DPYD: variants seen among roughly 807,000 people sequenced by gnomAD.
DPYD encodes dihydropyrimidine dehydrogenase [NADP(+)].
DPYD carries 109 observed loss-of-function variants against 116.2 expected under a neutral mutation model. The ratio of observed to expected loss-of-function variants is 0.94; its 90% CI spans 0.80 to 1.10. The LOEUF (loss-of-function observed/expected upper bound fraction) is 1.10. DPYD is among the 50% of genes least tolerant of loss of function. The probability of loss-of-function intolerance (pLI) is 0.00; values close to 1 mark genes in which losing one functional copy is unlikely to be tolerated. For missense variants in DPYD, 1,302 were observed against 1,254.5 expected, an observed-to-expected ratio of 1.04 and a Z score of -0.57; for synonymous variants, 440 against 432.0, an observed-to-expected ratio of 1.02 and a Z score of -0.23.
chr1:97,765,137 T>C (rs1328485542), intron 3 of DPYD, among the ~76,000 whole-genome samples: 1 of 152,184 alleles, frequency 6.6e-6, no homozygotes, highest in Non-Finnish European at 1.5e-5. Context: ...TTGACCTTTT[T>C]CAGTCACAGA....
At chr1:97,666,833 C>T (rs752400686) in intron 8 of DPYD, among the ~76,000 whole-genome samples, 69 of 152,234 alleles carry the variant, frequency 4.5e-4, no homozygotes, top group Admixed American at 7.8e-4. Context: ...CAAACAGATG[C>T]ATGCATGCAA....
rs1195766910 is a variant in DPYD, at chr1:97,869,870, G to T, written c.150+13394C>A. 2.0e-5 allele frequency among the ~76,000 whole-genome samples: 3 copies of T among 151,682 alleles called. No individual in the cohort carries two copies. The East Asian group carries it at 5.8e-4, about 29-fold the overall frequency. ...CTGTCTTCATTTCTTTCATGTGAAG[G>T]TCTTGTGCACATATAAATTAAAATA... is the stretch of plus-strand genomic sequence containing the variant. On this transcript the variant is annotated intron_variant, in intron 2 of 22. Transcript: ENST00000370192.
intron 20 of DPYD, among the ~76,000 whole-genome samples, chr1:97,116,511 A>C (rs1651976553): frequency 6.6e-6 from 1 of 151,806 alleles, no homozygotes; most frequent in African/African-American, 2.4e-5. Context: ...GTCTCTACAA[A>C]AAATACAAAA....
At chr1:97,525,789 A>AGAGAGAGT (rs1431555133) in intron 12 of DPYD, among the ~76,000 whole-genome samples, 34 of 142,702 alleles carry the variant, frequency 2.4e-4, no homozygotes, top group African/African-American at 5.6e-4. Context: ...AGAGAGAGAG[A>AGAGAGAGT]GTGTGTGTGT....
chr1:97,440,515 T>C (rs1264426494), intron 14 of DPYD, among the ~76,000 whole-genome samples: 1 of 152,112 alleles, frequency 6.6e-6, no homozygotes, highest in Non-Finnish European at 1.5e-5. Flanking sequence ...GGCTTTATTT[T>C]AGTGATTGTT....
chr1:97,345,936 T>C (rs1344144651), intron 16 of DPYD, among the ~76,000 whole-genome samples: 1 of 151,886 alleles, frequency 6.6e-6, no homozygotes, highest in African/African-American at 2.4e-5. Flanking sequence ...GCAAGAACTG[T>C]AAAAATAGGT....
At chr1:97,898,966 T>G (rs1673220198) in intron 1 of DPYD, among the ~76,000 whole-genome samples, 1 of 151,910 alleles carries the variant, frequency 6.6e-6, no homozygotes. Flanking sequence ...TTCAGGTATG[T>G]CTTAATCAGC....
intron 13 of DPYD, among the ~76,000 whole-genome samples, chr1:97,472,731 C>A (rs971622147): frequency 6.6e-6 from 1 of 152,098 alleles, no homozygotes; most frequent in East Asian, 1.9e-4. Context: ...AAACCATAAC[C>A]TTTTCTCAAA....
chr1:97,878,834 A>G (rs1314965895), intron 2 of DPYD, among the ~76,000 whole-genome samples: 1 of 151,990 alleles, frequency 6.6e-6, no homozygotes, highest in East Asian at 1.9e-4. Flanking sequence ...TCTTCAAAAC[A>G]ATGTGAGAAC....
Position 97,825,659 on chromosome 1 carries a change from T to G in DPYD, c.233+2455A>C, listed in dbSNP as rs989619785. Among the ~76,000 whole-genome samples the G allele has an allele frequency of 2.0e-5, 3 of 148,094 alleles. 1 individual carries two copies. ...GGGGGGGAGGGATAGCATTAGGAGA[T>G]ATACCTAATGTGAATGACGAGTTAA... is the stretch of plus-strand genomic sequence containing the variant. On this transcript the variant is annotated intron_variant, in intron 3 of 22. Coordinates refer to ENST00000370192, the MANE Select transcript of DPYD (RefSeq NM_000110.4).
intron 12 of DPYD, among the ~76,000 whole-genome samples, chr1:97,548,822 T>C (rs1369075038): frequency 6.6e-6 from 1 of 152,074 alleles, no homozygotes; most frequent in African/African-American, 2.4e-5. Context: ...CCTTTCCACT[T>C]AGGTGCATAG....
chr1:97,451,752 T>C (rs1280042755), intron 13 of DPYD, among the ~76,000 whole-genome samples: 1 of 152,134 alleles, frequency 6.6e-6, no homozygotes, highest in East Asian at 1.9e-4. Context: ...TCCGGTGTTT[T>C]CATGGTCTGA....
At chr1:97,509,335 T>C (rs542718402) in intron 13 of DPYD, among the ~76,000 whole-genome samples, 1 of 151,696 alleles carries the variant, frequency 6.6e-6, no homozygotes, top group South Asian at 2.1e-4. Flanking sequence ...AAACCAAGAG[T>C]AAGATCTTAG....
At chr1:97,871,407 G>A (rs1671650256) in intron 2 of DPYD, among the ~76,000 whole-genome samples, 2 of 151,636 alleles carry the variant, frequency 1.3e-5, no homozygotes, top group Admixed American at 1.3e-4. Flanking sequence ...TTTCACTCTT[G>A]GGCCATTCTA....
At chr1:97,741,111 T>G (rs991947633) in intron 3 of DPYD, among the ~76,000 whole-genome samples, 6 of 152,108 alleles carry the variant, frequency 3.9e-5, no homozygotes, top group African/African-American at 1.2e-4. Context: ...CTGAAGAGAA[T>G]GGGCTCCAAC....
intron 8 of DPYD, among the ~76,000 whole-genome samples, chr1:97,634,710 G>T (rs1307846075): frequency 6.6e-6 from 1 of 151,958 alleles, no homozygotes; most frequent in Non-Finnish European, 1.5e-5. Flanking sequence ...AACACTATTT[G>T]AAAAAATTGT....
chr1:97,587,214 T>A (rs936907481), intron 10 of DPYD, among the ~76,000 whole-genome samples: 2 of 152,210 alleles, frequency 1.3e-5, no homozygotes, highest in Non-Finnish European at 2.9e-5. Flanking sequence ...CTTAAAGGTG[T>A]ACTTTAATAT....
intron 13 of DPYD, among the ~76,000 whole-genome samples, chr1:97,454,002 A>G (rs556612649): frequency 6.6e-6 from 1 of 152,178 alleles, no homozygotes; most frequent in African/African-American, 2.4e-5. Context: ...AACTTCTCAA[A>G]TTACAGATGC....
At chr1:97,358,007 C>T (rs1221209581) in intron 16 of DPYD, among the ~76,000 whole-genome samples, 1 of 152,196 alleles carries the variant, frequency 6.6e-6, no homozygotes, top group Non-Finnish European at 1.5e-5. Context: ...TGTCACCTCA[C>T]CTGGGAAGCA....
Sources: gnomAD v4.1 joint callset for allele counts (sites outside exome capture counted in the v4.1 genomes callset) on GRCh38, gnomAD v4.1.1 for gene constraint, MANE v1.5 for transcripts, NCBI Gene and HGNC (gene_info 2026-07-23, HGNC 2026-07-21) for gene names.